The following BPI variants were observed in gnomAD, a reference collection of about 807,000 sequenced individuals.
BPI encodes the protein bactericidal permeability increasing protein.
In BPI, 48 loss-of-function variants were observed where a neutral mutation model predicts 57.6. That is an observed-to-expected ratio of 0.83 (90% confidence interval 0.66 to 1.06). The LOEUF (loss-of-function observed/expected upper bound fraction) is 1.06, where lower values mean the gene tolerates loss of function less well. Ranked by LOEUF, BPI falls within the 50% of genes least tolerant of loss-of-function variation. The pLI is 0.00. For synonymous variants in BPI, 237 were observed against 238.2 expected (o/e 0.99, Z 0.05); for missense variants, 651 against 609.7 (o/e 1.07, Z -0.71).
In BPI at chr20:38,331,045, C is replaced by T. The variant is rs1284629112; in HGVS notation, c.1230-3C>T. ...TCTCAGTCCCCTCCTCCCCCTCTCA[C>T]AGGCTGCTCCTGGAACTGAAGCACT... is the stretch of plus-strand genomic sequence containing the variant. On this transcript the variant is annotated splice_region_variant and splice_polypyrimidine_tract_variant and intron_variant, in intron 11 of 14. Transcript: ENST00000642449. 3 of 1,613,992 alleles carry T rather than the reference C, an allele frequency of 1.9e-6. No homozygotes were observed. In the African/African-American group the frequency reaches 4.0e-5, roughly 22 times the overall value.
At chr20:38,326,553 G>A (rs2076714622) in intron 10 of BPI, 121 bp downstream of exon 10, 1 of 1,248,266 alleles carries the variant, frequency 8.0e-7, no homozygotes. Context: ...TCACTCCGGA[G>A]CCTGAGGCTT....
At chr20:38,314,860 G>C (rs991567464) in intron 5 of BPI, among the ~76,000 whole-genome samples, 12 of 151,496 alleles carry the variant, frequency 7.9e-5, no homozygotes, top group Non-Finnish European at 1.5e-4. Flanking sequence ...AGATGATGAT[G>C]ATGATGATGG....
chr20:38,309,201 A>G (rs2076610809), intron 3 of BPI, 143 bp downstream of exon 3: 5 of 1,212,596 alleles, frequency 4.1e-6, no homozygotes, highest in South Asian at 1.5e-5. Flanking sequence ...AATTCTTCAC[A>G]TGAGAAGATT....
intron 5 of BPI, among the ~76,000 whole-genome samples, chr20:38,316,742 G>T (rs932043540): frequency 4.6e-4 from 70 of 152,280 alleles, no homozygotes; most frequent in African/African-American, 1.6e-3. Flanking sequence ...TGGGGTATTT[G>T]TCTACCACCT....
At chr20:38,325,843 T>G (rs543079652) in intron 9 of BPI, among the ~76,000 whole-genome samples, 1 of 152,134 alleles carries the variant, frequency 6.6e-6, no homozygotes, top group African/African-American at 2.4e-5. Flanking sequence ...GATCAGAGAC[T>G]AAGAGAAAGG....
intron 5 of BPI, among the ~76,000 whole-genome samples, chr20:38,313,693 G>C (rs2076632943): frequency 1.3e-5 from 2 of 152,238 alleles, no homozygotes; most frequent in African/African-American, 4.8e-5. Context: ...TGAGGTTGAT[G>C]ATGGTAATGG....
At chr20:38,334,607 G>A (rs993298062) in intron 13 of BPI, 114 bp downstream of exon 13, 3 of 1,065,360 alleles carry the variant, frequency 2.8e-6, no homozygotes, top group African/African-American at 3.1e-5. Context: ...CAGTGGTGAT[G>A]TCAAGTGAAC....
rs2076772419 is a variant in BPI, at chr20:38,337,300, C to G, written c.*116C>G. On this transcript the variant is annotated 3_prime_UTR_variant, in exon 15 of 15. Coordinates refer to ENST00000642449, the MANE Select transcript of BPI (RefSeq NM_001725.3). ...ATCTTAACCAAGAGCCCCTTGCAAA[C>G]TTCTTCGACTCAGATTCAGAAATGA... The G allele has an allele frequency of 1.2e-6, 1 of 820,058 alleles. No homozygotes were observed. Among genetic ancestry groups the G allele is most frequent in the Admixed American group, 2.9e-5 (1 of 34,704 alleles). The allele number at this position is 820,058 out of a possible 1,614,324, so 50.8% of individuals were successfully genotyped here.
intron 11 of BPI, among the ~76,000 whole-genome samples, chr20:38,328,947 A>G (rs2076728196): frequency 6.6e-6 from 1 of 152,182 alleles, no homozygotes; most frequent in Non-Finnish European, 1.5e-5. Flanking sequence ...TCAAGGCTGC[A>G]GTGAGCCATG....
chr20:38,323,967 T>C lies in BPI; in HGVS notation c.854T>C (p.Leu285Pro), dbSNP rs1194451250. The C allele has an allele frequency of 2.5e-6, 4 of 1,614,086 alleles. No homozygotes were observed. Among genetic ancestry groups the C allele is most frequent in the Non-Finnish European group, 3.4e-6 (4 of 1,180,034 alleles). Residue 285 changes from leucine (L) to proline (P), a missense_variant, in exon 8 of 15, where the codon CTC becomes CCC. Transcript: ENST00000642449. ...CATGACCGCATGGTATACCTGGGCC[T>C]CTCAGACTACTTCTTCAACACAGCC... is the stretch of plus-strand genomic sequence containing the variant. ...AAHDRMVYLG[L>P]SDYFFNTAGL...
chr20:38,337,240 G>T lies in BPI; in HGVS notation c.*56G>T. The T allele has an allele frequency of 1.4e-6, 2 of 1,465,716 alleles. No homozygotes were observed. The highest frequency in any genetic ancestry group is 1.8e-6 in the Non-Finnish European group (2 of 1,083,866). The allele number at this position is 1,465,716 out of a possible 1,614,324, so 90.8% of individuals were successfully genotyped here. On this transcript the variant is annotated 3_prime_UTR_variant, in exon 15 of 15. Transcript: ENST00000642449. The stretch of plus-strand genomic sequence containing the variant: ...ACACCTGTTCCTGATGGGCTGTGGG[G>T]CACCGGCTGCCTTTCCCCAGGGAAT...
Position 38,316,666 on chromosome 20 carries a change from G to C in BPI, c.601-1747G>C, listed in dbSNP as rs527651948. Among the ~76,000 whole-genome samples, 12 of 152,348 alleles carry C rather than the reference G, an allele frequency of 7.9e-5. No individual in the cohort carries two copies. The East Asian group carries it at 1.2e-3, about 15-fold the overall frequency. On this transcript the variant is annotated intron_variant, in intron 5 of 14. Transcript: ENST00000642449. The stretch of plus-strand genomic sequence containing the variant: ...CTATGGGCAACTGGGACTCAGTCCT[G>C]CTGGCAATTCTCAGAGGAATGGTGG...
rs369329923 is a variant in BPI, at chr20:38,320,661, TACAC to T, written c.756+421_756+424del. Among the ~76,000 whole-genome samples the T allele has an allele frequency of 2.1e-3, 278 of 130,866 alleles. 2 individuals carry two copies. The highest frequency in any genetic ancestry group is 0.012 in the Middle Eastern group (3 of 258). 85.9% of individuals were successfully genotyped at this position (130,866 alleles called of 152,430 possible). On this transcript the variant is annotated intron_variant, in intron 7 of 14. Coordinates refer to ENST00000642449, the MANE Select transcript of BPI (RefSeq NM_001725.3). ...CCCCCACATCCTGCTTTATTACCAA[TACAC>T]ACACACACACACACACACACACACA... is the stretch of plus-strand genomic sequence containing the variant.
intron 11 of BPI, among the ~76,000 whole-genome samples, chr20:38,328,540 ACT>A (rs1191644463): frequency 6.6e-6 from 1 of 151,970 alleles, no homozygotes; most frequent in African/African-American, 2.4e-5. Context: ...ACAGAGTGAG[ACT>A]CTGTCTCAAA....
In BPI at chr20:38,317,903, G is replaced by A. The variant is rs539244710; in HGVS notation, c.601-510G>A. ...GGGGACAGGGGGATTGGGGTGGAGT[G>A]GCAAAGGCAGGTAGGGAATGGCTTC... On this transcript the variant is annotated intron_variant, in intron 5 of 14. Transcript: ENST00000642449. 893 of 985,208 alleles carry A rather than the reference G, an allele frequency of 9.1e-4. 1 individual carries two copies. Among genetic ancestry groups the A allele is most frequent in the Non-Finnish European group, 1.0e-3 (868 of 829,924 alleles). The allele number at this position is 985,208 out of a possible 1,614,324, so 61.0% of individuals were successfully genotyped here.
At chr20:38,333,913 C>G (rs2076754439) in intron 12 of BPI, among the ~76,000 whole-genome samples, 1 of 145,712 alleles carries the variant, frequency 6.9e-6, no homozygotes, top group African/African-American at 2.6e-5. Context: ...GCTGTGTTGC[C>G]CAGGCTGGTC....
chr20:38,311,182 C>T (rs1263043301), intron 4 of BPI, among the ~76,000 whole-genome samples: 1 of 152,200 alleles, frequency 6.6e-6, no homozygotes, highest in African/African-American at 2.4e-5. Flanking sequence ...GGGAGAAAAC[C>T]AAGGCATGGA....
At chr20:38,325,007 G>A (rs1025241451) in intron 9 of BPI, among the ~76,000 whole-genome samples, 174 bp downstream of exon 9, 4 of 152,158 alleles carry the variant, frequency 2.6e-5, no homozygotes, top group Admixed American at 1.3e-4. Context: ...AGCTCCAAGC[G>A]CCCAGTTGAC....
At chr20:38,332,785 G>A (rs1285296986) in intron 12 of BPI, among the ~76,000 whole-genome samples, 3 of 152,200 alleles carry the variant, frequency 2.0e-5, no homozygotes, top group South Asian at 2.1e-4. Flanking sequence ...TAGATTTGCC[G>A]CTACTGCCCT....
Sources: gnomAD v4.1 joint callset for allele counts (sites outside exome capture counted in the v4.1 genomes callset) on GRCh38, gnomAD v4.1.1 for gene constraint, MANE v1.5 for transcripts, NCBI Gene and HGNC (gene_info 2026-07-23, HGNC 2026-07-21) for gene names.